SCN11A: variants seen among roughly 807,000 people sequenced by gnomAD.
The protein encoded by SCN11A is sodium voltage-gated channel alpha subunit 11.
In SCN11A, 122 loss-of-function variants were observed where a neutral mutation model predicts 162.2. That is an observed-to-expected ratio of 0.75 (90% CI 0.65 to 0.87). SCN11A has a LOEUF of 0.87. Among genes scored for constraint, SCN11A ranks in the 40% least tolerant of loss-of-function variants. The pLI, the probability that SCN11A is intolerant of heterozygous loss-of-function variation, is 0.00. For missense variants in SCN11A, 2,015 were observed against 2,181.6 expected (o/e 0.92, Z 1.52); for synonymous variants, 758 against 751.5 (o/e 1.01, Z -0.14).
intron 7 of SCN11A, among the ~76,000 whole-genome samples, chr3:38,931,243 T>A (rs1271396108): frequency 6.6e-6 from 1 of 152,222 alleles, no homozygotes; most frequent in Non-Finnish European, 1.5e-5. Flanking sequence ...GCCCCTCCAC[T>A]GGCCAGCCTT....
chr3:38,930,015 T>C (rs915232930), intron 7 of SCN11A, among the ~76,000 whole-genome samples: 8 of 152,226 alleles, frequency 5.3e-5, no homozygotes, highest in African/African-American at 1.9e-4. Flanking sequence ...ATTCTCTAAT[T>C]TATTTCCCTT....
chr3:38,864,635 A>C (rs1435315353), intron 27 of SCN11A, among the ~76,000 whole-genome samples: 1 of 152,156 alleles, frequency 6.6e-6, no homozygotes, highest in Non-Finnish European at 1.5e-5. Flanking sequence ...AACTCTGTCC[A>C]CTAGAAAGGC....
At chr3:39,005,639 AC>A (rs755646099) in intron 2 of SCN11A, among the ~76,000 whole-genome samples, 2 of 152,250 alleles carry the variant, frequency 1.3e-5, no homozygotes, top group African/African-American at 2.4e-5. Context: ...TTTTTGCTTC[AC>A]ATAAACTTTC....
chr3:38,943,903 G>A (rs182698553), intron 7 of SCN11A, among the ~76,000 whole-genome samples: 26 of 152,324 alleles, frequency 1.7e-4, no homozygotes, highest in Admixed American at 1.5e-3. Context: ...CAATAGCACA[G>A]TGGGATGACT....
In SCN11A at chr3:38,900,026, C is replaced by T. The variant is rs773514049; in HGVS notation, c.1890G>A (p.Ala630=). The part of the protein sequence containing the change: ...FIAEMCLKII[A]LDPYHYFRRG... ...GGCGAAAGTAGTGGTAGGGATCGAG[C>T]GCAATGATTTTTAGGCACATTTCTG... The change falls in exon 17 of 30, where the codon GCG becomes GCA. Residue 630 remains alanine, a synonymous_variant. Transcript: ENST00000302328. The T allele has an allele frequency of 1.1e-5, 17 of 1,613,918 alleles. No individual in the cohort carries two copies. Among genetic ancestry groups the T allele is most frequent in the Middle Eastern group, 1.7e-4 (1 of 6,060 alleles).
Position 38,919,978 on chromosome 3 carries a change from T to C in SCN11A, c.916A>G (p.Asn306Asp), listed in dbSNP as rs759435029. 7 of 1,613,158 alleles carry C rather than the reference T, an allele frequency of 4.3e-6. No homozygotes were observed. The highest frequency in any genetic ancestry group is 5.9e-6 in the Non-Finnish European group (7 of 1,179,502). The part of the protein sequence containing the change: ...AYDHCFEKKE[N>D]SPEFKMCGIW... Reference sequence around the variant, plus strand: ...CCACACATTTTGAATTCAGGTGAATTTTCTTTCTTTTCAAAGCAATGGTCT... The same window carrying C: ...CCACACATTTTGAATTCAGGTGAATCTTCTTTCTTTTCAAAGCAATGGTCT... Residue 306 changes from asparagine to aspartate, a missense_variant, in exon 11 of 30, where the codon AAT (asparagine) becomes GAT (aspartate). Coordinates refer to ENST00000302328, the MANE Select transcript of SCN11A (RefSeq NM_001349253.2).
chr3:38,996,368 T>C (rs1174276371), intron 2 of SCN11A, among the ~76,000 whole-genome samples: 1 of 152,136 alleles, frequency 6.6e-6, no homozygotes, highest in Non-Finnish European at 1.5e-5. Context: ...GAAAAGAATG[T>C]CCTTTTCAAG....
chr3:38,890,551 A>G (rs1300468636), intron 19 of SCN11A, among the ~76,000 whole-genome samples: 1 of 152,256 alleles, frequency 6.6e-6, no homozygotes, highest in East Asian at 1.9e-4. Context: ...GGTCAAAACA[A>G]ATCTCAAAGA....
chr3:39,024,855 C>T (rs1267534753), intron 2 of SCN11A, among the ~76,000 whole-genome samples: 6 of 152,210 alleles, frequency 3.9e-5, no homozygotes, highest in Admixed American at 3.9e-4. Flanking sequence ...TTCTACAGGG[C>T]TGTCCATACT....
At chr3:38,993,374 C>G (rs754283042) in intron 2 of SCN11A, among the ~76,000 whole-genome samples, 3 of 152,200 alleles carry the variant, frequency 2.0e-5, no homozygotes, top group Non-Finnish European at 4.4e-5. Context: ...TGAGCCAAAG[C>G]TGGGTCTCAC....
rs761412591 is a variant in SCN11A at position 38,889,803 on chromosome 3, AAAATAAAAT to A, written c.2836-3574_2836-3566del. Among the ~76,000 whole-genome samples the A allele has an allele frequency of 6.0e-3, 129 of 21,460 alleles. 1 individual carries two copies. The highest frequency in any genetic ancestry group is 6.2e-3 in the Non-Finnish European group (86 of 13,922). 14.1% of individuals were successfully genotyped at this position (21,460 alleles called of 152,430 possible). ...CGACAGAGCGAGACTCCATCTCAAA[AAAATAAAAT>A]AAAATAAAATAAAATAAAATAAAAT... On this transcript the variant is annotated intron_variant, in intron 19 of 29. Coordinates refer to ENST00000302328, the MANE Select transcript of SCN11A (RefSeq NM_001349253.2).
intron 2 of SCN11A, among the ~76,000 whole-genome samples, chr3:38,971,317 C>T (rs918337259): frequency 3.3e-5 from 5 of 152,250 alleles, no homozygotes; most frequent in Non-Finnish European, 7.4e-5. Flanking sequence ...TAAAACGTCA[C>T]TAAGGACACC....
chr3:38,854,370 T>G (rs2064832604), intron 28 of SCN11A, among the ~76,000 whole-genome samples: 1 of 152,162 alleles, frequency 6.6e-6, no homozygotes, highest in Non-Finnish European at 1.5e-5. Context: ...AAAGTGGAAG[T>G]AAGTATGCAT....
rs749621553 is a variant in SCN11A at position 38,945,539 on chromosome 3, T to C, written c.387-27A>G. ...TGGCCAGCATCCATTAAGGCAGATA[T>C]GTTGCAGGATGGCATGCATCATTAG... On this transcript the variant is annotated intron_variant, in intron 6 of 29. Coordinates refer to ENST00000302328, the MANE Select transcript of SCN11A (RefSeq NM_001349253.2). 3 of 1,465,998 alleles carry C rather than the reference T, an allele frequency of 2.0e-6. No individual in the cohort carries two copies. The African/African-American group carries it at 4.2e-5, about 21-fold the overall frequency. 90.8% of individuals were successfully genotyped at this position (1,465,998 alleles called of 1,614,324 possible).
chr3:38,862,808 CA>C (rs1359942580), intron 28 of SCN11A, among the ~76,000 whole-genome samples: 1 of 152,022 alleles, frequency 6.6e-6, no homozygotes, highest in Non-Finnish European at 1.5e-5. Context: ...GCTTGGGTGA[CA>C]GGTGCACCAA....
chr3:38,958,185 C>A (rs2066704196), intron 3 of SCN11A, among the ~76,000 whole-genome samples: 1 of 152,352 alleles, frequency 6.6e-6, no homozygotes, highest in South Asian at 2.1e-4. Flanking sequence ...CATGTAGCCC[C>A]CCATGGGATC....
At chr3:38,991,027 A>G (rs1248957857) in intron 2 of SCN11A, among the ~76,000 whole-genome samples, 2 of 152,068 alleles carry the variant, frequency 1.3e-5, no homozygotes, top group Non-Finnish European at 2.9e-5. Flanking sequence ...ATAATCATGT[A>G]TATGGTTTTT....
At chr3:38,967,712 G>A (rs2066791656) in intron 2 of SCN11A, among the ~76,000 whole-genome samples, 1 of 152,174 alleles carries the variant, frequency 6.6e-6, no homozygotes. Context: ...ATGTGGCAGG[G>A]AATACACAAG....
At chr3:39,041,664 T>A (rs2032051467) in intron 1 of SCN11A, among the ~76,000 whole-genome samples, 1 of 152,146 alleles carries the variant, frequency 6.6e-6, no homozygotes. Flanking sequence ...CTGAGGAAAT[T>A]CATCACCCTA....
Sources: allele counts gnomAD v4.1 joint callset (sites outside exome capture counted in the v4.1 genomes callset), GRCh38; gene constraint gnomAD v4.1.1; transcripts MANE v1.5; gene names NCBI Gene and HGNC (gene_info 2026-07-23, HGNC 2026-07-21).